Variants in FAM237A observed in about 807,000 individuals in gnomAD.
The protein encoded by FAM237A is family with sequence similarity 237 member A.
Under a neutral mutation model 12.5 loss-of-function variants are expected in FAM237A, and 14 were observed. The ratio of observed to expected loss-of-function variants is 1.12; its 90% confidence interval spans 0.74 to 1.75. The LOEUF is 1.75. Among genes scored for constraint, FAM237A ranks in the 40% most tolerant of loss-of-function variants. FAM237A has a pLI of 0.00. For missense variants in FAM237A, 240 were observed against 211.7 expected (o/e 1.13, Z -0.83); for synonymous variants, 85 against 77.5 (o/e 1.10, Z -0.51).
intron 2 of FAM237A, among the ~76,000 whole-genome samples, chr2:206,646,232 G>A (rs1439844838): frequency 6.6e-6 from 1 of 151,910 alleles, no homozygotes; most frequent in Non-Finnish European, 1.5e-5. Flanking sequence ...GAACCCGGGA[G>A]GCGGAGCTTG....
intron 1 of FAM237A, among the ~76,000 whole-genome samples, chr2:206,643,085 T>C (rs1301219763): frequency 2.0e-5 from 3 of 152,254 alleles, no homozygotes; most frequent in Admixed American, 1.3e-4. Context: ...AAATATTTAT[T>C]TAACAGTACC....
chr2:206,646,953 G>T (rs924892363), intron 2 of FAM237A, among the ~76,000 whole-genome samples: 6 of 152,138 alleles, frequency 3.9e-5, no homozygotes, highest in African/African-American at 1.2e-4. Flanking sequence ...AAGACAAGAA[G>T]AACTAAAATA....
intron 2 of FAM237A, among the ~76,000 whole-genome samples, chr2:206,645,370 G>A (rs555794949): frequency 6.6e-6 from 1 of 152,290 alleles, no homozygotes; most frequent in East Asian, 1.9e-4. Flanking sequence ...GAATTAGAAT[G>A]AGGTTGAGTA....
intron 2 of FAM237A, among the ~76,000 whole-genome samples, chr2:206,647,294 G>A (rs771158450): frequency 3.3e-5 from 5 of 152,070 alleles, no homozygotes; most frequent in East Asian, 3.9e-4. Flanking sequence ...AAAAAGAAAC[G>A]TATGAAAGGC....
chr2:206,647,104 T>C (rs963688115), intron 2 of FAM237A, among the ~76,000 whole-genome samples: 1 of 152,194 alleles, frequency 6.6e-6, no homozygotes, highest in African/African-American at 2.4e-5. Flanking sequence ...TGTTAATATA[T>C]CATATTTGTT....
In FAM237A at chr2:206,642,986, G is replaced by A. The variant is rs999619600; in HGVS notation, c.-11+404G>A. On this transcript the variant is annotated intron_variant, in intron 1 of 2. Coordinates refer to ENST00000441223, the MANE Select transcript of FAM237A (RefSeq NM_001102659.3). This position sits in a 1 kb window ranked among gnomAD's most constrained non-coding sequence, Gnocchi z 5.1. The stretch of plus-strand genomic sequence containing the variant: ...AGTAGAGATAATGCATACATGATAT[G>A]AAAGATAGAGGAAATAGTTTTTGAA... 6.6e-6 allele frequency among the ~76,000 whole-genome samples: 1 copy of A among 152,184 alleles called. No individual in the cohort carries two copies. Among genetic ancestry groups the A allele is most frequent in the African/African-American group, 2.4e-5 (1 of 41,440 alleles).
chr2:206,642,494 C>A lies in FAM237A; in HGVS notation c.-99C>A, dbSNP rs1388713679. 1 of 152,528 alleles carries A rather than the reference C, an allele frequency of 6.6e-6. No individual in the cohort carries two copies. The highest frequency in any genetic ancestry group is 1.5e-5 in the Non-Finnish European group (1 of 68,298). 9.4% of individuals were successfully genotyped at this position (152,528 alleles called of 1,614,324 possible). Reference sequence around the variant, plus strand: ...CGCGTACTCGAGGGAACTCTCTCCACGCGTTCGAGGGAACCCGGAAGGGGC... The same window carrying A: ...CGCGTACTCGAGGGAACTCTCTCCAAGCGTTCGAGGGAACCCGGAAGGGGC... On this transcript the variant is annotated 5_prime_UTR_variant, in exon 1 of 3. Transcript: ENST00000441223. The surrounding 1 kb of genome is among the most constrained non-coding windows in gnomAD (Gnocchi z 5.1).
chr2:206,648,524 C>A (rs1044504546), intron 2 of FAM237A, 137 bp from the exon 3 acceptor site: 4 of 854,094 alleles, frequency 4.7e-6, no homozygotes. Flanking sequence ...ATATATTCCT[C>A]TGAAATCAAT....
intron 2 of FAM237A, among the ~76,000 whole-genome samples, chr2:206,646,565 T>C (rs142964295): frequency 6.6e-6 from 1 of 152,294 alleles, no homozygotes; most frequent in African/African-American, 2.4e-5. Context: ...TTTAGGGAGT[T>C]GGTATGCAAG....
intron 2 of FAM237A, among the ~76,000 whole-genome samples, 167 bp from the exon 3 acceptor site, chr2:206,648,492 CTT>C (rs1489106363): frequency 2.6e-5 from 4 of 152,146 alleles, no homozygotes; most frequent in Non-Finnish European, 5.9e-5. Context: ...GGACACAAGA[CTT>C]TGCACAAATA....
Position 206,648,898 on chromosome 2 carries a change from GA to G in FAM237A, c.*105del. Reference sequence around the variant, plus strand: ...TTATTTTAAATGGTGGGAATGCCCAGAGATAAATATGAACCCAAATTCTCTC... The same window carrying G: ...TTATTTTAAATGGTGGGAATGCCCAGGATAAATATGAACCCAAATTCTCTC... On this transcript the variant is annotated 3_prime_UTR_variant, in exon 3 of 3. Transcript: ENST00000441223. 1 of 953,128 alleles carries G rather than the reference GA, an allele frequency of 1.0e-6. No individual in the cohort carries two copies. The highest frequency in any genetic ancestry group is 1.4e-6 in the Non-Finnish European group (1 of 706,300). 59.0% of individuals were successfully genotyped at this position (953,128 alleles called of 1,614,324 possible).
At position 206,644,193 on chromosome 2, in the gene FAM237A, G is replaced by A. The variant is rs767055307; in HGVS notation, c.-10-34G>A. On this transcript the variant is annotated intron_variant, in intron 1 of 2. Transcript: ENST00000441223. Reference sequence around the variant, plus strand: ...TTTCTTTACTGAGCAGAGCACAAGCGGGGACTGATAAGAAATATTTCCATC... The same window carrying A: ...TTTCTTTACTGAGCAGAGCACAAGCAGGGACTGATAAGAAATATTTCCATC... The A allele has an allele frequency of 5.3e-5, 81 of 1,524,364 alleles. No homozygotes were observed. In the Middle Eastern group the frequency reaches 2.3e-3, roughly 43 times the overall value. The allele number at this position is 1,524,364 out of a possible 1,614,324, so 94.4% of individuals were successfully genotyped here. A position where few individuals can be genotyped will look rare whatever the true frequency, so the allele number is the denominator to read the frequency against.
rs750701867 is a variant in FAM237A, at chr2:206,644,391, C to T, written c.155C>T (p.Ser52Phe). The T allele has an allele frequency of 3.1e-6, 5 of 1,613,826 alleles. No homozygotes were observed. Among genetic ancestry groups the T allele is most frequent in the Non-Finnish European group, 4.2e-6 (5 of 1,179,802 alleles). ...CAAGCTGATCCTCAGTGCTGGGAAT[C>T]CTCCTCAGTGCTTCTCCTGGAAATG... ...LSQADPQCWE[S>F]SSVLLLEMWK... Residue 52 changes from serine (S) to phenylalanine (F), a missense_variant, in exon 2 of 3, where the codon TCC (serine) becomes TTC (phenylalanine). Transcript: ENST00000441223.
Position 206,642,994 on chromosome 2 carries a change from G to C in FAM237A, c.-11+412G>C, listed in dbSNP as rs559605132. The stretch of plus-strand genomic sequence containing the variant: ...TAATGCATACATGATATGAAAGATA[G>C]AGGAAATAGTTTTTGAATAATCTTG... On this transcript the variant is annotated intron_variant, in intron 1 of 2. Coordinates refer to ENST00000441223, the MANE Select transcript of FAM237A (RefSeq NM_001102659.3). The surrounding 1 kb of genome is among the most constrained non-coding windows in gnomAD (Gnocchi z 5.1). Among the ~76,000 whole-genome samples, 26 of 152,304 alleles carry C rather than the reference G, an allele frequency of 1.7e-4. No individual in the cohort carries two copies. The highest frequency in any genetic ancestry group is 5.8e-4 in the African/African-American group (24 of 41,580).
In FAM237A at chr2:206,648,676, T is replaced by C; in HGVS notation, c.428T>C (p.Leu143Pro). The C allele has an allele frequency of 6.3e-7, 1 of 1,591,528 alleles. No individual in the cohort carries two copies. The highest frequency in any genetic ancestry group is 8.6e-7 in the Non-Finnish European group (1 of 1,169,318). Reference sequence around the variant, plus strand: ...CTACTTTCAGGTACATATTCTCAGCTCCTAAGGACCTCCTTCCTAAAGAAG... The same window carrying C: ...CTACTTTCAGGTACATATTCTCAGCCCCTAAGGACCTCCTTCCTAAAGAAG... ...TRSKQGTYSQ[L>P]LRTSFLKKKE... The change falls in exon 3 of 3, where the codon CTC becomes CCC. Residue 143 changes from leucine (L) to proline (P), a missense_variant. Coordinates refer to ENST00000441223, the MANE Select transcript of FAM237A (RefSeq NM_001102659.3).
chr2:206,644,969 T>C (rs183143296), intron 2 of FAM237A, among the ~76,000 whole-genome samples: 1 of 152,332 alleles, frequency 6.6e-6, no homozygotes, highest in East Asian at 1.9e-4. Context: ...AAGATCAACA[T>C]TATTTTTTAC....
Position 206,649,065 on chromosome 2 carries a change from T to C in FAM237A, c.*271T>C, listed in dbSNP as rs189741201. ...TAACTTCCAGAGATGACTTGAGGAT[T>C]CTTTGTATTCATTTAATAGTTCATT... On this transcript the variant is annotated 3_prime_UTR_variant, in exon 3 of 3. Transcript: ENST00000441223. 138 of 177,448 alleles carry C rather than the reference T, an allele frequency of 7.8e-4. No individual in the cohort carries two copies. The highest frequency in any genetic ancestry group is 2.8e-3 in the African/African-American group (116 of 42,116). The allele number at this position is 177,448 out of a possible 1,614,324, so 11.0% of individuals were successfully genotyped here.
At position 206,648,876 on chromosome 2, in the gene FAM237A, T is replaced by C. The variant is rs980586298; in HGVS notation, c.*82T>C. 3.6e-6 allele frequency: 4 copies of C among 1,116,378 alleles called. 1 individual carries two copies. Among genetic ancestry groups the C allele is most frequent in the African/African-American group, 3.3e-5 (2 of 60,814 alleles). The allele number at this position is 1,116,378 out of a possible 1,614,324, so 69.2% of individuals were successfully genotyped here. On this transcript the variant is annotated 3_prime_UTR_variant, in exon 3 of 3. Transcript: ENST00000441223. Reference sequence around the variant, plus strand: ...TTCTTAACTATTGATTATTTATTTATTTTAAATGGTGGGAATGCCCAGAGA... The same window carrying C: ...TTCTTAACTATTGATTATTTATTTACTTTAAATGGTGGGAATGCCCAGAGA...
intron 2 of FAM237A, 73 bp from the exon 3 acceptor site, chr2:206,648,588 G>C: frequency 1.4e-6 from 2 of 1,428,784 alleles, no homozygotes; most frequent in African/African-American, 2.9e-5. Context: ...GCCTTTTAAA[G>C]ATAATTTATT....
Sources: allele counts gnomAD v4.1 joint callset (sites outside exome capture counted in the v4.1 genomes callset), GRCh38; gene constraint gnomAD v4.1.1; non-coding constraint Gnocchi (gnomAD v3.1); transcripts MANE v1.5; gene names NCBI Gene and HGNC (gene_info 2026-07-23, HGNC 2026-07-21).